MAP7: variants seen among roughly 807,000 people sequenced by gnomAD.
MAP7 encodes microtubule associated protein 7, also known as ensconsin.
A neutral mutation model predicts 94.8 loss-of-function variants in MAP7; 52 were observed. That is an observed-to-expected ratio of 0.55 (90% CI 0.44 to 0.69). The LOEUF is 0.69. Among genes scored for constraint, MAP7 ranks in the 30% least tolerant of loss-of-function variants. The probability of loss-of-function intolerance (pLI) is 0.00; values close to 1 mark genes in which losing one functional copy is unlikely to be tolerated. For synonymous variants in MAP7, 350 were observed against 357.0 expected (o/e 0.98, Z 0.22); for missense variants, 940 against 964.6 (o/e 0.97, Z 0.34).
chr6:136,406,483 A>G (rs914312693), intron 3 of MAP7, among the ~76,000 whole-genome samples: 71 of 151,966 alleles, frequency 4.7e-4, no homozygotes, highest in African/African-American at 1.5e-3. Context: ...GAAGAATTTT[A>G]ACATGGACTG....
chr6:136,493,764 ACT>A (rs758186246), intron 1 of MAP7, among the ~76,000 whole-genome samples: 3 of 151,854 alleles, frequency 2.0e-5, no homozygotes, highest in Non-Finnish European at 2.9e-5. Context: ...ATTTTTCAAA[ACT>A]CTCAGACATA....
chr6:136,360,894 A>C, intron 12 of MAP7, 96 bp from the exon 13 acceptor site: 1 of 1,553,672 alleles, frequency 6.4e-7, no homozygotes, highest in East Asian at 2.2e-5. Context: ...TGGCGGATGG[A>C]GAAGGTGTGG....
chr6:136,357,176 A>C (rs1791232492), intron 15 of MAP7, among the ~76,000 whole-genome samples: 1 of 152,212 alleles, frequency 6.6e-6, no homozygotes, highest in African/African-American at 2.4e-5. Context: ...TTTACAAAGG[A>C]TTCAGAGCAA....
intron 1 of MAP7, among the ~76,000 whole-genome samples, chr6:136,468,830 G>A (rs1807990473): frequency 6.6e-6 from 1 of 152,108 alleles, no homozygotes; most frequent in Non-Finnish European, 1.5e-5. Flanking sequence ...TCTAAGTAAG[G>A]AGGTGACTTC....
intron 1 of MAP7, among the ~76,000 whole-genome samples, chr6:136,520,123 C>T (rs905548273): frequency 1.3e-5 from 2 of 151,246 alleles, no homozygotes; most frequent in Admixed American, 6.6e-5. Flanking sequence ...TCACTTGAGC[C>T]CAGGAGTTCA....
intron 1 of MAP7, among the ~76,000 whole-genome samples, chr6:136,427,666 T>C (rs1793572112): frequency 6.6e-6 from 1 of 152,240 alleles, no homozygotes; most frequent in Admixed American, 6.5e-5. Flanking sequence ...CTGATAATGA[T>C]ACATATTTGA....
chr6:136,517,057 G>C (rs1329131040), intron 1 of MAP7, among the ~76,000 whole-genome samples: 1 of 152,042 alleles, frequency 6.6e-6, no homozygotes. Context: ...GCAGATCAGA[G>C]TTTTCCATTA....
chr6:136,412,115 C>T lies in MAP7; in HGVS notation c.167-418G>A, dbSNP rs116093050. Among the ~76,000 whole-genome samples the T allele has an allele frequency of 4.5e-3, 678 of 152,284 alleles. 5 individuals are homozygous for T. The highest frequency in any genetic ancestry group is 0.016 in the African/African-American group (652 of 41,548). ...GTGAAGTGCTCGAGTCAAACAGACA[C>T]GCATTCAGTTTCTGCCCCGTCACTC... On this transcript the variant is annotated intron_variant, in intron 2 of 17. Coordinates refer to ENST00000354570, the MANE Select transcript of MAP7 (RefSeq NM_003980.6).
chr6:136,343,440 A>G lies in MAP7; in HGVS notation c.*788T>C, dbSNP rs1248200026. 3 of 152,670 alleles carry G rather than the reference A, an allele frequency of 2.0e-5. No individual in the cohort carries two copies. Among genetic ancestry groups the G allele is most frequent in the African/African-American group, 4.8e-5 (2 of 41,464 alleles). The allele number at this position is 152,670 out of a possible 1,614,324, so 9.5% of individuals were successfully genotyped here. ...CAGAAATAGCCCTGAATCATCAGTAACATTCTATCGTGGTAACATCAGAAG... is the reference window on the plus strand; with the variant it reads ...CAGAAATAGCCCTGAATCATCAGTAGCATTCTATCGTGGTAACATCAGAAG... On this transcript the variant is annotated 3_prime_UTR_variant, in exon 18 of 18. Coordinates refer to ENST00000354570, the MANE Select transcript of MAP7 (RefSeq NM_003980.6).
chr6:136,427,275 T>G (rs1488864390), intron 1 of MAP7, among the ~76,000 whole-genome samples: 1 of 152,190 alleles, frequency 6.6e-6, no homozygotes, highest in African/African-American at 2.4e-5. Flanking sequence ...GCAGGCCAGA[T>G]AAGGAAATGG....
intron 16 of MAP7, among the ~76,000 whole-genome samples, chr6:136,354,367 A>G (rs1246418655): frequency 6.9e-6 from 1 of 144,036 alleles, no homozygotes; most frequent in African/African-American, 2.5e-5. Context: ...TATATAGTAG[A>G]TATATATAAA....
chr6:136,362,806 A>G, intron 10 of MAP7, 104 bp from the exon 11 acceptor site: 2 of 1,474,422 alleles, frequency 1.4e-6, no homozygotes, highest in African/African-American at 1.4e-5. Context: ...TACCATTATG[A>G]AAGAAAAGGG....
intron 7 of MAP7, 78 bp from the exon 8 acceptor site, chr6:136,372,703 G>C: frequency 1.3e-6 from 2 of 1,595,204 alleles, no homozygotes; most frequent in Non-Finnish European, 1.7e-6. Flanking sequence ...AGCAGTTGAA[G>C]AAAGCCAAAA....
chr6:136,380,468 A>G (rs895251151), intron 6 of MAP7, among the ~76,000 whole-genome samples: 9 of 152,242 alleles, frequency 5.9e-5, no homozygotes, highest in Non-Finnish European at 2.9e-5. Flanking sequence ...AAAACAGAAC[A>G]AGCCTGTGAG....
At chr6:136,385,135 A>C (rs1008222894) in intron 5 of MAP7, among the ~76,000 whole-genome samples, 2 of 152,196 alleles carry the variant, frequency 1.3e-5, no homozygotes, top group African/African-American at 4.8e-5. Flanking sequence ...AGTAAGAAAA[A>C]ATTGCTGCAA....
Position 136,394,931 on chromosome 6 carries a change from C to CATATATATATATATATATACATATATAT in MAP7, c.245-5415_245-5414insATATATATGTATATATATATATATATAT, listed in dbSNP as rs1781891275. Among the ~76,000 whole-genome samples the CATATATATATATATATATACATATATAT allele has an allele frequency of 4.7e-4, 13 of 27,498 alleles. 1 individual carries two copies. The highest frequency in any genetic ancestry group is 1.1e-3 in the African/African-American group (13 of 11,648). The allele number at this position is 27,498 out of a possible 152,430, so 18.0% of individuals were successfully genotyped here. A position where few individuals can be genotyped will look rare whatever the true frequency, so the allele number is the denominator to read the frequency against. On this transcript the variant is annotated intron_variant, in intron 3 of 17. Coordinates refer to ENST00000354570, the MANE Select transcript of MAP7 (RefSeq NM_003980.6). ...TTTTTATGGTTGAATAATATTCCATCATATATATATATATATATATATATA... is the reference window on the plus strand; with the variant it reads ...TTTTTATGGTTGAATAATATTCCATCATATATATATATATATATACATATATATATATATATATATATATATATATATA...
At chr6:136,459,107 T>C (rs535138430) in intron 1 of MAP7, among the ~76,000 whole-genome samples, 2 of 152,236 alleles carry the variant, frequency 1.3e-5, no homozygotes, top group African/African-American at 4.8e-5. Flanking sequence ...TAGACATTTC[T>C]CCAACGACAA....
intron 1 of MAP7, among the ~76,000 whole-genome samples, chr6:136,431,744 C>T (rs371881258): frequency 1.3e-5 from 2 of 152,106 alleles, no homozygotes; most frequent in African/African-American, 4.8e-5. Flanking sequence ...TCTTGAACTC[C>T]TCACCCCAGG....
chr6:136,518,201 T>A (rs761419709), intron 1 of MAP7, among the ~76,000 whole-genome samples: 1 of 152,180 alleles, frequency 6.6e-6, no homozygotes, highest in African/African-American at 2.4e-5. Context: ...TAATTTAGAA[T>A]GAATCTAGTC....
Sources: allele counts gnomAD v4.1 joint callset (sites outside exome capture counted in the v4.1 genomes callset), GRCh38; gene constraint gnomAD v4.1.1; transcripts MANE v1.5; gene names NCBI Gene and HGNC (gene_info 2026-07-23, HGNC 2026-07-21).